Variants in GFRAL observed in about 807,000 individuals in gnomAD.
GFRAL encodes GDNF family receptor alpha like.
GFRAL carries 36 observed loss-of-function variants against 45.4 expected under a neutral mutation model. The ratio of observed to expected loss-of-function variants is 0.79; its 90% CI spans 0.61 to 1.05. GFRAL has a LOEUF of 1.05. GFRAL is among the 50% of genes least tolerant of loss of function. The pLI, the probability that GFRAL is intolerant of heterozygous loss-of-function variation, is 0.00. For missense variants in GFRAL, 507 were observed against 467.5 expected (o/e 1.08, Z -0.78); for synonymous variants, 166 against 154.1 (o/e 1.08, Z -0.57).
At chr6:55,329,458 G>A (rs1054260129) in intron 1 of GFRAL, among the ~76,000 whole-genome samples, 1 of 151,908 alleles carries the variant, frequency 6.6e-6, no homozygotes, top group Non-Finnish European at 1.5e-5. Context: ...TTCTTGAAGG[G>A]GCTTTTCACA....
At position 55,399,181 on chromosome 6, in the gene GFRAL, T is replaced by A; in HGVS notation, c.954T>A (p.Asn318Lys). ...QHMLHRKSCF[N>K]YPTLSNVKGM... ...CTCATTTTTATGATTTTCTTTCAGA[T>A]TATCCAACCCTGTCTAATGTCAAAG... is the stretch of plus-strand genomic sequence containing the variant. The change falls in exon 7 of 9, where the codon AAT becomes AAA. Residue 318 changes from asparagine to lysine, a missense_variant and splice_region_variant. By Grantham distance (94) the Asn-to-Lys change is moderately conservative (BLOSUM62 0). Coordinates refer to ENST00000340465, the MANE Select transcript of GFRAL (RefSeq NM_207410.2). The A allele has an allele frequency of 6.6e-7, 1 of 1,520,440 alleles. No homozygotes were observed. The highest frequency in any genetic ancestry group is 8.9e-7 in the Non-Finnish European group (1 of 1,120,720). 94.2% of individuals were successfully genotyped at this position (1,520,440 alleles called of 1,614,324 possible). A position where few individuals can be genotyped will look rare whatever the true frequency, so the allele number is the denominator to read the frequency against.
rs775642953 is a variant in GFRAL, at chr6:55,333,977, A to C, written c.316+33A>C. ...TTTGTTTTAAGAAATGTTTATAGTC[A>C]TGAAAAAGAAAGCAACAATTTCAAA... is the stretch of plus-strand genomic sequence containing the variant. On this transcript the variant is annotated intron_variant, in intron 3 of 8. Transcript: ENST00000340465. 3 of 1,324,310 alleles carry C rather than the reference A, an allele frequency of 2.3e-6. No individual in the cohort carries two copies. The East Asian group carries it at 7.5e-5, about 33-fold the overall frequency. The allele number at this position is 1,324,310 out of a possible 1,614,324, so 82.0% of individuals were successfully genotyped here.
chr6:55,351,335 C>T lies in GFRAL; in HGVS notation c.453C>T (p.Tyr151=). ...DVVCNAQLAS[Y]LKACSANGNP... ...TCTGTAATGCACAGTTGGCCTCTTA[C>T]CTTAAAGCTTGCTCAGCAAATGGAA... is the stretch of plus-strand genomic sequence containing the variant. The change falls in exon 5 of 9, where the codon TAC becomes TAT. Residue 151 remains tyrosine (Y), a synonymous_variant. Transcript: ENST00000340465. The T allele has an allele frequency of 6.2e-7, 1 of 1,613,528 alleles. No individual in the cohort carries two copies. Among genetic ancestry groups the T allele is most frequent in the Non-Finnish European group, 8.5e-7 (1 of 1,179,680 alleles).
At chr6:55,333,617 A>T (rs1767856957) in intron 2 of GFRAL, among the ~76,000 whole-genome samples, 169 bp from the exon 3 acceptor site, 1 of 152,190 alleles carries the variant, frequency 6.6e-6, no homozygotes, top group African/African-American at 2.4e-5. Flanking sequence ...TTCAATGAAA[A>T]TACAGGTTTT....
intron 6 of GFRAL, among the ~76,000 whole-genome samples, chr6:55,361,776 G>A (rs937050207): frequency 5.3e-5 from 8 of 151,904 alleles, no homozygotes; most frequent in Non-Finnish European, 1.5e-5. Flanking sequence ...CATCAGCCTA[G>A]CACTCTCATG....
intron 6 of GFRAL, among the ~76,000 whole-genome samples, chr6:55,365,262 A>C (rs940786096): frequency 1.8e-4 from 25 of 142,564 alleles, no homozygotes; most frequent in African/African-American, 6.5e-4. Flanking sequence ...GTGTATAAGA[A>C]TGCTTGTGAT....
chr6:55,366,051 C>T (rs2127359243), intron 6 of GFRAL, among the ~76,000 whole-genome samples: 1 of 151,666 alleles, frequency 6.6e-6, no homozygotes, highest in African/African-American at 2.4e-5. Flanking sequence ...TAGAATTCGG[C>T]TGTGAATCCA....
intron 3 of GFRAL, among the ~76,000 whole-genome samples, chr6:55,342,715 A>G (rs1240882137): frequency 6.6e-6 from 1 of 152,156 alleles, no homozygotes; most frequent in African/African-American, 2.4e-5. Context: ...TGCTCCAATT[A>G]AAAGACACAG....
chr6:55,393,776 A>G (rs73744253), intron 6 of GFRAL, among the ~76,000 whole-genome samples: 12,016 of 152,176 alleles, frequency 0.079, 588 homozygotes, highest in South Asian at 0.14. Flanking sequence ...CTTCCTAGAC[A>G]TGATAGAGGC....
intron 4 of GFRAL, among the ~76,000 whole-genome samples, chr6:55,350,861 C>CA (rs1441375140): frequency 2.6e-5 from 4 of 152,198 alleles, no homozygotes; most frequent in Non-Finnish European, 5.9e-5. Context: ...ATTCCCCTCA[C>CA]AAAAATGTGC....
intron 6 of GFRAL, among the ~76,000 whole-genome samples, chr6:55,368,701 C>G (rs9464238): frequency 0.19 from 28,773 of 151,826 alleles, 3,110 homozygotes; most frequent in African/African-American, 0.3. Context: ...GTACCCTGCC[C>G]TGTGAGGTGT....
rs1554188844 is a variant in GFRAL, at chr6:55,359,186, C to CT, written c.952+48_952+49insT. 1.0e-3 allele frequency: 1,481 copies of CT among 1,448,232 alleles called. 1 individual carries two copies. The highest frequency in any genetic ancestry group is 1.3e-3 in the Admixed American group (70 of 54,062). 89.7% of individuals were successfully genotyped at this position (1,448,232 alleles called of 1,614,324 possible). A position where few individuals can be genotyped will look rare whatever the true frequency, so the allele number is the denominator to read the frequency against. ...TCTGTCTATCTATCTATCTATCTAT[C>CT]ATCTATCTATCTATCTATTTTGTTT... On this transcript the variant is annotated intron_variant, in intron 6 of 8. Transcript: ENST00000340465.
intron 6 of GFRAL, among the ~76,000 whole-genome samples, chr6:55,376,218 G>T (rs548214551): frequency 1.3e-5 from 2 of 152,132 alleles, no homozygotes; most frequent in African/African-American, 4.8e-5. Flanking sequence ...CAACTTGATC[G>T]TGGTGGATAA....
At chr6:55,369,429 G>A (rs139212461) in intron 6 of GFRAL, among the ~76,000 whole-genome samples, 1 of 152,248 alleles carries the variant, frequency 6.6e-6, no homozygotes, top group Admixed American at 6.5e-5. Flanking sequence ...CGGAGCTGTA[G>A]ACCGGAGCTG....
intron 6 of GFRAL, among the ~76,000 whole-genome samples, chr6:55,398,181 C>T (rs1359976142): frequency 6.6e-6 from 1 of 152,174 alleles, no homozygotes; most frequent in Non-Finnish European, 1.5e-5. Context: ...CCTTCCTGCT[C>T]AGAGTCTGTT....
chr6:55,331,699 G>T lies in GFRAL; in HGVS notation c.23-16G>T, dbSNP rs765450590. ...AAATTTATATTACAACCTTGTTTTT[G>T]TTGTTGTTATTCAAGCTATGGGGTT... On this transcript the variant is annotated splice_polypyrimidine_tract_variant and intron_variant, in intron 1 of 8. Transcript: ENST00000340465. 3.1e-6 allele frequency: 5 copies of T among 1,590,828 alleles called. No individual in the cohort carries two copies. The South Asian group carries it at 4.7e-5, about 15-fold the overall frequency.
chr6:55,342,922 GA>G, intron 3 of GFRAL, among the ~76,000 whole-genome samples: 1 of 152,232 alleles, frequency 6.6e-6, no homozygotes, highest in East Asian at 1.9e-4. Context: ...GATCAAAAGA[GA>G]GAAAGAAGGC....
At chr6:55,353,862 AAC>A (rs1220744667) in intron 5 of GFRAL, among the ~76,000 whole-genome samples, 1 of 151,808 alleles carries the variant, frequency 6.6e-6, no homozygotes, top group Non-Finnish European at 1.5e-5. Context: ...TGAAATATCA[AAC>A]ACATGTGATT....
intron 6 of GFRAL, among the ~76,000 whole-genome samples, chr6:55,374,939 G>A (rs777700377): frequency 2.6e-5 from 4 of 152,014 alleles, no homozygotes; most frequent in South Asian, 2.1e-4. Context: ...TTGTAGCTGC[G>A]TGGTCTTATT....
Sources: allele counts gnomAD v4.1 joint callset (sites outside exome capture counted in the v4.1 genomes callset), GRCh38; gene constraint gnomAD v4.1.1; transcripts MANE v1.5; gene names NCBI Gene and HGNC (gene_info 2026-07-23, HGNC 2026-07-21).